SCHIP1: variants seen among roughly 807,000 people sequenced by gnomAD.
The protein encoded by SCHIP1 is schwannomin-interacting protein 1.
Under a neutral mutation model 29.7 loss-of-function variants are expected in SCHIP1, and 8 were observed. That is an observed-to-expected ratio of 0.27 (90% CI 0.16 to 0.49). The LOEUF is 0.49. Ranked by LOEUF, SCHIP1 falls within the 20% of genes least tolerant of loss-of-function variation. SCHIP1 has a pLI of 0.99. For synonymous variants in SCHIP1, 76 were observed against 94.9 expected, an observed-to-expected ratio of 0.80 and a Z score of 1.16; for missense variants, 193 against 294.6, an observed-to-expected ratio of 0.66 and a Z score of 2.52.
chr3:159,871,156 ATT>A (rs1239035839), intron 2 of SCHIP1, among the ~76,000 whole-genome samples: 1 of 151,906 alleles, frequency 6.6e-6, no homozygotes, highest in Non-Finnish European at 1.5e-5. Context: ...TTCTGAGTTT[ATT>A]TTTCATTTGT....
At chr3:159,340,650 A>G in the SCHIP1 span, among the ~76,000 whole-genome samples, 6 of 152,170 alleles carry the variant, frequency 3.9e-5, no homozygotes, top group Non-Finnish European at 5.9e-5. Flanking sequence ...TAAATCTTTC[A>G]GCATTTTTAT....
chr3:159,402,441 G>A, the SCHIP1 span, among the ~76,000 whole-genome samples: 232 of 152,178 alleles, frequency 1.5e-3, 1 homozygote, highest in Admixed American at 2.3e-3. Flanking sequence ...GTATATACCC[G>A]AAGGATTATA....
At chr3:159,280,482 G>A in the SCHIP1 span, among the ~76,000 whole-genome samples, 1 of 152,248 alleles carries the variant, frequency 6.6e-6, no homozygotes, top group African/African-American at 2.4e-5. Context: ...TCAGACATTT[G>A]ACTCATCTCC....
chr3:159,592,015 G>GAAAT, the SCHIP1 span, among the ~76,000 whole-genome samples: 6 of 150,496 alleles, frequency 4.0e-5, no homozygotes, highest in South Asian at 1.1e-3. Flanking sequence ...AAGAAAGAAA[G>GAAAT]AAATTGAGTG....
intron 1 of SCHIP1, among the ~76,000 whole-genome samples, chr3:159,852,392 G>A (rs371049409): frequency 1.1e-4 from 16 of 152,270 alleles, no homozygotes; most frequent in African/African-American, 3.9e-4. Flanking sequence ...TAAACACTGG[G>A]CATAATTTTT....
chr3:159,542,362 G>A, the SCHIP1 span, among the ~76,000 whole-genome samples: 1 of 152,008 alleles, frequency 6.6e-6, no homozygotes, highest in African/African-American at 2.4e-5. Context: ...GCACATGCTT[G>A]TTGAATATCT....
chr3:159,631,951 A>G, the SCHIP1 span, among the ~76,000 whole-genome samples: 2 of 152,104 alleles, frequency 1.3e-5, no homozygotes, highest in African/African-American at 4.8e-5. Flanking sequence ...ACTTATTTGT[A>G]TTCTTTTTTC....
At chr3:159,889,361 G>A (rs750741041) in intron 5 of SCHIP1, among the ~76,000 whole-genome samples, 1 of 152,176 alleles carries the variant, frequency 6.6e-6, no homozygotes, top group Non-Finnish European at 1.5e-5. Context: ...AGGACTCCAG[G>A]TGGTGGAGTA....
chr3:159,349,454 T>C, the SCHIP1 span, among the ~76,000 whole-genome samples: 1 of 152,222 alleles, frequency 6.6e-6, no homozygotes, highest in South Asian at 2.1e-4. Flanking sequence ...ACCTTTTTAA[T>C]CCATTTACAC....
At chr3:159,653,336 C>T in the SCHIP1 span, among the ~76,000 whole-genome samples, 846 of 152,172 alleles carry the variant, frequency 5.6e-3, 13 homozygotes, top group Non-Finnish European at 6.4e-3. Context: ...TTGGAACCAA[C>T]CCAAATGCTT....
chr3:159,385,859 T>C, the SCHIP1 span, among the ~76,000 whole-genome samples: 1 of 151,716 alleles, frequency 6.6e-6, no homozygotes, highest in African/African-American at 2.4e-5. Context: ...CCCCATCCCC[T>C]GACAGGCCCC....
chr3:159,871,662 C>T (rs920499386), intron 2 of SCHIP1, among the ~76,000 whole-genome samples: 91 of 152,214 alleles, frequency 6.0e-4, no homozygotes, highest in African/African-American at 2.1e-3. Flanking sequence ...CTGAGAGAAA[C>T]CCTCCAACCT....
At chr3:159,465,574 C>G in the SCHIP1 span, among the ~76,000 whole-genome samples, 4 of 151,876 alleles carry the variant, frequency 2.6e-5, no homozygotes, top group African/African-American at 9.7e-5. Flanking sequence ...AATATATTTA[C>G]CTGGGGGATA....
chr3:159,490,803 G>T, the SCHIP1 span, among the ~76,000 whole-genome samples: 1 of 152,122 alleles, frequency 6.6e-6, no homozygotes, highest in African/African-American at 2.4e-5. Flanking sequence ...ATTTTCACTT[G>T]TAAGATAACT....
At chr3:159,733,591 G>A in the SCHIP1 span, among the ~76,000 whole-genome samples, 6,299 of 152,182 alleles carry the variant, frequency 0.041, 439 homozygotes, top group African/African-American at 0.15. Context: ...CAGTTGTGTG[G>A]GGGAGTGAAC....
chr3:159,627,946 G>T, the SCHIP1 span, among the ~76,000 whole-genome samples: 1 of 152,176 alleles, frequency 6.6e-6, no homozygotes, highest in African/African-American at 2.4e-5. Flanking sequence ...TGGAGGAAAG[G>T]GTTGGGCTTA....
chr3:159,735,473 G>C, the SCHIP1 span, among the ~76,000 whole-genome samples: 1 of 151,804 alleles, frequency 6.6e-6, no homozygotes, highest in Non-Finnish European at 1.5e-5. Context: ...CAGGTGATCT[G>C]CCCGCCTCAG....
At chr3:159,863,079 C>T (rs1032149040) in intron 1 of SCHIP1, among the ~76,000 whole-genome samples, 4 of 152,142 alleles carry the variant, frequency 2.6e-5, no homozygotes, top group Admixed American at 1.3e-4. Flanking sequence ...TGGTGGCTCA[C>T]GCTTGTAATC....
the SCHIP1 span, chr3:159,273,503 T>C: frequency 4.5e-6 from 5 of 1,113,778 alleles, no homozygotes; most frequent in Non-Finnish European, 2.2e-6. Flanking sequence ...TCCTCTGTTC[T>C]CCGAGTAGCC....
Sources: gnomAD v4.1 joint callset for allele counts (sites outside exome capture counted in the v4.1 genomes callset) on GRCh38, gnomAD v4.1.1 for gene constraint, MANE v1.5 for transcripts, NCBI Gene and HGNC (gene_info 2026-07-23, HGNC 2026-07-21) for gene names.